WWOX: variants seen among roughly 807,000 people sequenced by gnomAD.
The protein encoded by WWOX is WW domain-containing oxidoreductase.
WWOX carries 69 observed loss-of-function variants against 46.2 expected under a neutral mutation model. That is an observed-to-expected ratio of 1.49 (90% confidence interval 1.23 to 1.82). The LOEUF (loss-of-function observed/expected upper bound fraction) is 1.82, where lower values mean the gene tolerates loss of function less well. WWOX is among the 40% of genes most tolerant of loss of function. The pLI is 0.00. For synonymous variants in WWOX, 359 were observed against 202.6 expected (o/e 1.77, Z -6.56); for missense variants, 919 against 542.6 (o/e 1.69, Z -6.89).
intron 8 of WWOX, among the ~76,000 whole-genome samples, chr16:78,747,535 G>A (rs73571698): frequency 3.5e-3 from 536 of 152,258 alleles, no homozygotes; most frequent in African/African-American, 0.012. Flanking sequence ...ATGAGCCTTC[G>A]TAATGTTCAG....
At chr16:78,758,178 C>A (rs578106239) in intron 8 of WWOX, among the ~76,000 whole-genome samples, 2 of 152,010 alleles carry the variant, frequency 1.3e-5, no homozygotes, top group East Asian at 1.9e-4. Flanking sequence ...AAGGGAAGAT[C>A]AATATGATTT....
At chr16:78,712,005 A>T (rs1320074786) in intron 8 of WWOX, among the ~76,000 whole-genome samples, 1 of 152,170 alleles carries the variant, frequency 6.6e-6, no homozygotes, top group Admixed American at 6.5e-5. Context: ...TTCGGCAAAG[A>T]AGCCCCAACG....
chr16:79,150,332 A>G (rs1319873630), intron 8 of WWOX, among the ~76,000 whole-genome samples: 1 of 152,232 alleles, frequency 6.6e-6, no homozygotes, highest in Non-Finnish European at 1.5e-5. Flanking sequence ...CTCATGCATC[A>G]GGAACTTGGA....
intron 8 of WWOX, among the ~76,000 whole-genome samples, chr16:79,125,971 C>G (rs1597396836): frequency 6.6e-6 from 1 of 152,300 alleles, no homozygotes; most frequent in East Asian, 1.9e-4. Flanking sequence ...TGTTTTTACT[C>G]TAACACCTCT....
chr16:79,068,430 C>G lies in WWOX; in HGVS notation c.1057-143178C>G, dbSNP rs1019757747. 1.1e-4 allele frequency among the ~76,000 whole-genome samples: 16 copies of G among 152,228 alleles called. No individual in the cohort carries two copies. In the South Asian group the frequency reaches 3.1e-3, roughly 30 times the overall value. On this transcript the variant is annotated intron_variant, in intron 8 of 8. Coordinates refer to ENST00000566780, the MANE Select transcript of WWOX (RefSeq NM_016373.4). ...GAGAGTAGCTCTGTGCTGCCTGACA[C>G]ACTCCTTCCTCCTGAATGCACAATC...
chr16:78,255,871 C>T (rs1474085891), intron 5 of WWOX, among the ~76,000 whole-genome samples: 1 of 152,120 alleles, frequency 6.6e-6, no homozygotes, highest in East Asian at 1.9e-4. Context: ...CGACCAGGCA[C>T]AGTGGCTCGC....
intron 8 of WWOX, among the ~76,000 whole-genome samples, chr16:78,469,922 C>T (rs1049068066): frequency 2.0e-5 from 3 of 152,230 alleles, no homozygotes; most frequent in Non-Finnish European, 4.4e-5. Flanking sequence ...AACTGAAATT[C>T]TCAGGGATTC....
intron 8 of WWOX, among the ~76,000 whole-genome samples, chr16:78,712,528 TAA>T (rs1167022759): frequency 6.6e-6 from 1 of 151,988 alleles, no homozygotes; most frequent in Non-Finnish European, 1.5e-5. Flanking sequence ...TTATATTGAT[TAA>T]AAGAGACTTA....
rs2080968619 is a variant in WWOX, at chr16:78,339,590, G to C, written c.517-47270G>C. Among the ~76,000 whole-genome samples the C allele has an allele frequency of 1.7e-5, 2 of 119,988 alleles. 1 individual carries two copies. Among genetic ancestry groups the C allele is most frequent in the Admixed American group, 1.6e-4 (2 of 12,200 alleles). 78.7% of individuals were successfully genotyped at this position (119,988 alleles called of 152,430 possible). A position where few individuals can be genotyped will look rare whatever the true frequency, so the allele number is the denominator to read the frequency against. On this transcript the variant is annotated intron_variant, in intron 5 of 8. Transcript: ENST00000566780. ...TTGTTTTGTGGGAGCATGTCTTGTA[G>C]TAGCTTTCTGAAAAAGGATGATAGA...
At chr16:78,770,538 G>A (rs1394575755) in intron 8 of WWOX, among the ~76,000 whole-genome samples, 1 of 152,126 alleles carries the variant, frequency 6.6e-6, no homozygotes, top group Non-Finnish European at 1.5e-5. Flanking sequence ...CCCCCATAAA[G>A]GTGGGACTCA....
At chr16:78,719,456 C>T (rs1354919533) in intron 8 of WWOX, among the ~76,000 whole-genome samples, 1 of 152,148 alleles carries the variant, frequency 6.6e-6, no homozygotes, top group Non-Finnish European at 1.5e-5. Flanking sequence ...CACATGTGCA[C>T]TGAAAAAGTC....
chr16:78,495,330 G>A (rs1393745675), intron 8 of WWOX, among the ~76,000 whole-genome samples: 2 of 151,644 alleles, frequency 1.3e-5, no homozygotes, highest in African/African-American at 4.8e-5. Context: ...TAGTATAGAC[G>A]GGGTTTCACC....
intron 8 of WWOX, among the ~76,000 whole-genome samples, chr16:78,756,215 C>G (rs546938189): frequency 3.3e-5 from 5 of 152,248 alleles, no homozygotes; most frequent in African/African-American, 9.6e-5. Flanking sequence ...CGCTTTTTCT[C>G]CCTTTCCAGC....
At chr16:78,961,776 G>A (rs968662166) in intron 8 of WWOX, among the ~76,000 whole-genome samples, 42 of 152,132 alleles carry the variant, frequency 2.8e-4, no homozygotes, top group African/African-American at 1.0e-3. Flanking sequence ...TTTTAAACAA[G>A]TACCTCAGGT....
intron 4 of WWOX, among the ~76,000 whole-genome samples, chr16:78,119,606 T>C (rs537822223): frequency 3.3e-5 from 5 of 151,802 alleles, no homozygotes; most frequent in Admixed American, 6.6e-5. Flanking sequence ...ACATCCAGGG[T>C]TTGTGAGACA....
intron 8 of WWOX, among the ~76,000 whole-genome samples, chr16:78,700,416 A>G (rs1567500550): frequency 6.7e-6 from 1 of 149,942 alleles, no homozygotes; most frequent in South Asian, 2.1e-4. Context: ...TGACCTTATT[A>G]CTTCTGAGAG....
intron 5 of WWOX, among the ~76,000 whole-genome samples, chr16:78,355,131 CAAAAG>C (rs71761801): frequency 0.15 from 22,880 of 151,596 alleles, 2,241 homozygotes; most frequent in East Asian, 0.36. Context: ...GACTCTGTCT[CAAAAG>C]AAAAGAAAAG....
rs59901017 is a variant in WWOX at position 78,672,613 on chromosome 16, G to T, written c.1056+239861G>T. Among the ~76,000 whole-genome samples, 323 of 152,312 alleles carry T rather than the reference G, an allele frequency of 2.1e-3. 1 individual carries two copies. Among genetic ancestry groups the T allele is most frequent in the African/African-American group, 7.4e-3 (307 of 41,568 alleles). ...GCCTGTAATGGGTTCTTTGCAACTT[G>T]CAGAACCAGATCTTACCATTTGCAA... On this transcript the variant is annotated intron_variant, in intron 8 of 8. Coordinates refer to ENST00000566780, the MANE Select transcript of WWOX (RefSeq NM_016373.4).
At chr16:78,716,755 A>G (rs1171321852) in intron 8 of WWOX, among the ~76,000 whole-genome samples, 2 of 152,092 alleles carry the variant, frequency 1.3e-5, no homozygotes, top group Non-Finnish European at 2.9e-5. Context: ...CTCTATTCGA[A>G]TTGCAGGATC....
Sources: gnomAD v4.1 joint callset for allele counts (sites outside exome capture counted in the v4.1 genomes callset) on GRCh38, gnomAD v4.1.1 for gene constraint, MANE v1.5 for transcripts, NCBI Gene and HGNC (gene_info 2026-07-23, HGNC 2026-07-21) for gene names.